Variants in SUMF1 observed in about 807,000 individuals in gnomAD.
SUMF1 encodes the protein formylglycine-generating enzyme.
Under a neutral mutation model 47.6 loss-of-function variants are expected in SUMF1, and 48 were observed. That is an observed-to-expected ratio of 1.01 (90% confidence interval 0.80 to 1.28). SUMF1 has a LOEUF of 1.28. Ranked by LOEUF, SUMF1 falls within the 50% of genes most tolerant of loss-of-function variation. SUMF1 has a pLI of 0.00. For missense variants in SUMF1, 571 were observed against 485.4 expected (o/e 1.18, Z -1.66); for synonymous variants, 230 against 192.1 (o/e 1.20, Z -1.63).
At chr3:4,451,623 G>C (rs932127463) in intron 2 of SUMF1, among the ~76,000 whole-genome samples, 4 of 152,200 alleles carry the variant, frequency 2.6e-5, no homozygotes, top group Non-Finnish European at 4.4e-5. Context: ...AACCTGAGCT[G>C]AGAGTATCTC....
chr3:4,441,277 G>A (rs960839440), intron 3 of SUMF1, among the ~76,000 whole-genome samples: 13 of 152,284 alleles, frequency 8.5e-5, no homozygotes, highest in South Asian at 2.1e-4. Context: ...AGAATCTAAT[G>A]CCTGATGATC....
chr3:4,140,796 C>T (rs1334694253), intron 8 of SUMF1, among the ~76,000 whole-genome samples: 1 of 151,826 alleles, frequency 6.6e-6, no homozygotes, highest in East Asian at 1.9e-4. Flanking sequence ...AGAGGGATAT[C>T]CTTAGAATAG....
intron 8 of SUMF1, among the ~76,000 whole-genome samples, chr3:4,156,245 G>C (rs745769185): frequency 6.6e-6 from 1 of 151,362 alleles, no homozygotes; most frequent in African/African-American, 2.5e-5. Flanking sequence ...GCCTGCAGAA[G>C]GGAAACAACT....
At chr3:4,086,810 T>C (rs1163704596) in intron 8 of SUMF1, among the ~76,000 whole-genome samples, 1 of 151,988 alleles carries the variant, frequency 6.6e-6, no homozygotes, top group Non-Finnish European at 1.5e-5. Flanking sequence ...TCTCATGAAA[T>C]CTGACGGTTT....
chr3:4,128,587 T>C (rs1192104825), intron 8 of SUMF1, among the ~76,000 whole-genome samples: 1 of 152,162 alleles, frequency 6.6e-6, no homozygotes, highest in African/African-American at 2.4e-5. Context: ...ACAGCCCTGT[T>C]TGCTTCTAGA....
intron 8 of SUMF1, among the ~76,000 whole-genome samples, chr3:4,349,834 C>T (rs199538615): frequency 1.3e-5 from 2 of 151,744 alleles, no homozygotes; most frequent in Admixed American, 6.6e-5. Context: ...GGGCCAGTTG[C>T]GGGGTAGGAG....
At chr3:4,095,643 C>T (rs954889339) in intron 8 of SUMF1, among the ~76,000 whole-genome samples, 3 of 152,040 alleles carry the variant, frequency 2.0e-5, no homozygotes, top group Non-Finnish European at 2.9e-5. Flanking sequence ...CACCAACTAC[C>T]ATAAGCAGAA....
chr3:4,140,682 C>CT (rs1246975766), intron 8 of SUMF1, among the ~76,000 whole-genome samples: 1 of 151,940 alleles, frequency 6.6e-6, no homozygotes, highest in Admixed American at 6.6e-5. Flanking sequence ...TGTGACACTA[C>CT]TTTATGTAGT....
At chr3:4,250,369 T>C (rs1252625541) in intron 8 of SUMF1, among the ~76,000 whole-genome samples, 1 of 151,570 alleles carries the variant, frequency 6.6e-6, no homozygotes, top group Non-Finnish European at 1.5e-5. Flanking sequence ...GAAAGTAATC[T>C]AGCAGACGTT....
At position 4,284,848 on chromosome 3, in the gene SUMF1, T is replaced by C. The variant is rs544524314; in HGVS notation, c.1014+91482A>G. Among the ~76,000 whole-genome samples the C allele has an allele frequency of 5.4e-3, 825 of 152,350 alleles. 4 individuals are homozygous for C. The highest frequency in any genetic ancestry group is 6.8e-3 in the Middle Eastern group (2 of 294). ...AAGCTAAGATAAAGGGATTATTTAA[T>C]ACATTATTTTTCCTGTAAACTGAAT... On this transcript the variant is annotated intron_variant and NMD_transcript_variant, in intron 8 of 12. Transcript: ENST00000448413.
intron 8 of SUMF1, among the ~76,000 whole-genome samples, chr3:4,247,585 C>G (rs571390377): frequency 6.6e-6 from 1 of 151,732 alleles, no homozygotes; most frequent in East Asian, 1.9e-4. Context: ...ATTTGTAGTG[C>G]TAGCGGGGGA....
chr3:4,233,153 C>T (rs1202921563), intron 8 of SUMF1, among the ~76,000 whole-genome samples: 2 of 152,112 alleles, frequency 1.3e-5, no homozygotes, highest in African/African-American at 4.8e-5. Flanking sequence ...GGATGTTTGG[C>T]AGCAGCAGAC....
intron 3 of SUMF1, among the ~76,000 whole-genome samples, chr3:4,448,717 T>G (rs1702867822): frequency 6.6e-6 from 1 of 152,120 alleles, no homozygotes; most frequent in Admixed American, 6.5e-5. Context: ...AAAACACACC[T>G]CATCTGCATT....
At chr3:4,215,824 A>T (rs1270854545) in intron 8 of SUMF1, among the ~76,000 whole-genome samples, 1 of 152,174 alleles carries the variant, frequency 6.6e-6, no homozygotes, top group Non-Finnish European at 1.5e-5. Context: ...CTAGGAATAC[A>T]ACTCATAAGG....
At chr3:4,098,116 A>C (rs1692947617) in intron 8 of SUMF1, among the ~76,000 whole-genome samples, 1 of 152,128 alleles carries the variant, frequency 6.6e-6, no homozygotes, top group African/African-American at 2.4e-5. Flanking sequence ...AAATTGCCTC[A>C]TACTGCTTTT....
At chr3:4,351,220 C>T (rs1699494148) in intron 8 of SUMF1, among the ~76,000 whole-genome samples, 1 of 123,172 alleles carries the variant, frequency 8.1e-6, no homozygotes, top group Non-Finnish European at 1.6e-5. Flanking sequence ...TTAGTGAGGT[C>T]TCCCCACCCT....
intron 7 of SUMF1, among the ~76,000 whole-genome samples, chr3:4,378,512 T>C (rs1269180992): frequency 6.6e-6 from 1 of 152,238 alleles, no homozygotes; most frequent in Admixed American, 6.5e-5. Context: ...ATGCTTAATG[T>C]CACATTAATA....
intron 8 of SUMF1, among the ~76,000 whole-genome samples, chr3:4,210,585 T>C (rs938318318): frequency 6.6e-6 from 1 of 152,166 alleles, no homozygotes. Context: ...AAGAGGAACC[T>C]TGACTCTTAA....
chr3:4,086,337 C>T (rs1692671416), intron 8 of SUMF1, among the ~76,000 whole-genome samples: 1 of 151,958 alleles, frequency 6.6e-6, no homozygotes, highest in Non-Finnish European at 1.5e-5. Context: ...TATTTCAGTC[C>T]TTTGTGCCCT....
Sources: allele counts gnomAD v4.1 joint callset (sites outside exome capture counted in the v4.1 genomes callset), GRCh38; gene constraint gnomAD v4.1.1; transcripts MANE v1.5; gene names NCBI Gene and HGNC (gene_info 2026-07-23, HGNC 2026-07-21).